Variants in MAGI2 observed in about 807,000 individuals in gnomAD.
MAGI2 encodes the protein membrane-associated guanylate kinase, WW and PDZ domain-containing protein 2.
In MAGI2, 35 loss-of-function variants were observed where a neutral mutation model predicts 133.3. The ratio of observed to expected loss-of-function variants is 0.26; its 90% confidence interval spans 0.20 to 0.35. The LOEUF is 0.35. Ranked by LOEUF, MAGI2 falls within the 10% of genes least tolerant of loss-of-function variation. The pLI, the probability that MAGI2 is intolerant of heterozygous loss-of-function variation, is 1.00. For missense variants in MAGI2, 1,636 were observed against 1,863.4 expected (o/e 0.88, Z 2.25); for synonymous variants, 729 against 710.6 (o/e 1.03, Z -0.41).
At chr7:79,126,373 C>T (rs1820406622) in intron 1 of MAGI2, among the ~76,000 whole-genome samples, 1 of 152,140 alleles carries the variant, frequency 6.6e-6, no homozygotes, top group African/African-American at 2.4e-5. Flanking sequence ...AATGAGTGTG[C>T]ATATAAGATA....
At chr7:78,806,867 CAAAATAAAATAAAAT>C (rs150570172) in intron 2 of MAGI2, among the ~76,000 whole-genome samples, 2,512 of 128,714 alleles carry the variant, frequency 0.02, 59 homozygotes, top group African/African-American at 0.054. Flanking sequence ...CACCCTGTCT[CAAAATAAAATAAAAT>C]AAAATAAAAT....
At chr7:78,979,342 T>A (rs915379602) in intron 2 of MAGI2, among the ~76,000 whole-genome samples, 1 of 150,506 alleles carries the variant, frequency 6.6e-6, no homozygotes, top group African/African-American at 2.4e-5. Flanking sequence ...AAGAAAGAGG[T>A]CAAAAAAGTC....
intron 6 of MAGI2, among the ~76,000 whole-genome samples, chr7:78,420,551 AT>A (rs11404417): frequency 1.3e-4 from 19 of 148,614 alleles, no homozygotes; most frequent in Admixed American, 2.0e-4. Flanking sequence ...TTGAAATGAG[AT>A]TTTTTTTTTT....
chr7:79,066,414 TA>T (rs1814336902), intron 1 of MAGI2, among the ~76,000 whole-genome samples: 1 of 152,046 alleles, frequency 6.6e-6, no homozygotes, highest in Admixed American at 6.6e-5. Context: ...TTGATGGGGT[TA>T]TTTTTTTTTC....
At position 78,664,770 on chromosome 7, in the gene MAGI2, A is replaced by T. The variant is rs540730705; in HGVS notation, c.419-37531T>A. Among the ~76,000 whole-genome samples, 139 of 151,904 alleles carry T rather than the reference A, an allele frequency of 9.2e-4. 4 individuals are homozygous for T. Among genetic ancestry groups the T allele is most frequent in the Admixed American group, 9.1e-3 (139 of 15,238 alleles). On this transcript the variant is annotated intron_variant, in intron 2 of 21. Transcript: ENST00000354212. Reference sequence around the variant, plus strand: ...AATACGTGCCTAAGTAAAAACAAAAAAATAAGAAAAGGGAAGGTATACTGA... The same window carrying T: ...AATACGTGCCTAAGTAAAAACAAAATAATAAGAAAAGGGAAGGTATACTGA...
intron 3 of MAGI2, among the ~76,000 whole-genome samples, chr7:78,562,609 G>C (rs905590305): frequency 6.6e-6 from 1 of 152,044 alleles, no homozygotes; most frequent in Non-Finnish European, 1.5e-5. Flanking sequence ...CAGTGAAACA[G>C]GTAAAAAATC....
intron 12 of MAGI2, among the ~76,000 whole-genome samples, chr7:78,190,251 A>G (rs1275817001): frequency 6.6e-6 from 1 of 152,204 alleles, no homozygotes; most frequent in Non-Finnish European, 1.5e-5. Flanking sequence ...GAGTTTGGCT[A>G]CTAACACAAG....
In MAGI2 at chr7:78,944,399, T is replaced by A. The variant is rs567579382; in HGVS notation, c.418+62691A>T. Among the ~76,000 whole-genome samples the A allele has an allele frequency of 2.0e-5, 3 of 152,250 alleles. No individual in the cohort carries two copies. In the South Asian group the frequency reaches 6.2e-4, roughly 32 times the overall value. On this transcript the variant is annotated intron_variant, in intron 2 of 21. Transcript: ENST00000354212. ...TCCTAATGGTGTGTTAGGATAGACA[T>A]AAGCTCACAGAAGGCAGGCTTCACT... is the stretch of plus-strand genomic sequence containing the variant.
intron 2 of MAGI2, among the ~76,000 whole-genome samples, chr7:78,695,962 G>A (rs1484416847): frequency 6.6e-6 from 1 of 152,014 alleles, no homozygotes; most frequent in African/African-American, 2.4e-5. Context: ...GCATGACAGT[G>A]TTTTGCTCTG....
chr7:78,352,194 G>C (rs1791592398), intron 7 of MAGI2, among the ~76,000 whole-genome samples: 1 of 152,126 alleles, frequency 6.6e-6, no homozygotes, highest in South Asian at 2.1e-4. Context: ...GGTTGATAGG[G>C]GAGGGACAAA....
intron 21 of MAGI2, among the ~76,000 whole-genome samples, chr7:78,064,623 G>A (rs887478155): frequency 8.5e-5 from 13 of 152,124 alleles, no homozygotes; most frequent in African/African-American, 3.1e-4. Flanking sequence ...ATTGAGAAGT[G>A]TGTCAGTTTG....
chr7:78,950,099 C>T (rs1457206362), intron 2 of MAGI2, among the ~76,000 whole-genome samples: 1 of 152,080 alleles, frequency 6.6e-6, no homozygotes, highest in Non-Finnish European at 1.5e-5. Context: ...CCTCTCTTTT[C>T]CTCCCTTCTT....
At chr7:78,770,341 G>T (rs530998313) in intron 2 of MAGI2, among the ~76,000 whole-genome samples, 1 of 152,258 alleles carries the variant, frequency 6.6e-6, no homozygotes, top group South Asian at 2.1e-4. Flanking sequence ...ACACTCTGCT[G>T]GAAGAATACC....
intron 2 of MAGI2, among the ~76,000 whole-genome samples, chr7:78,691,996 G>A (rs563381816): frequency 5.3e-5 from 8 of 152,182 alleles, no homozygotes; most frequent in East Asian, 1.9e-4. Flanking sequence ...TTTTGCATGC[G>A]TCGGGGCAGG....
At chr7:78,332,511 A>C (rs1407938436) in intron 9 of MAGI2, among the ~76,000 whole-genome samples, 1 of 152,014 alleles carries the variant, frequency 6.6e-6, no homozygotes, top group African/African-American at 2.4e-5. Flanking sequence ...ATCCTGGCTA[A>C]AATGGTGAAA....
intron 2 of MAGI2, among the ~76,000 whole-genome samples, chr7:78,927,207 C>A (rs1481930917): frequency 6.6e-6 from 1 of 151,906 alleles, no homozygotes; most frequent in Non-Finnish European, 1.5e-5. Flanking sequence ...AGCTATGTAG[C>A]CTTAGTTGGG....
intron 20 of MAGI2, among the ~76,000 whole-genome samples, chr7:78,083,385 G>GA (rs1816223117): frequency 6.6e-5 from 3 of 45,424 alleles, no homozygotes; most frequent in African/African-American, 1.1e-4. Flanking sequence ...GGAGGGAGGG[G>GA]GGGAGAGAGA....
intron 2 of MAGI2, among the ~76,000 whole-genome samples, chr7:78,921,247 A>C (rs1331412834): frequency 6.6e-6 from 1 of 152,102 alleles, no homozygotes; most frequent in Non-Finnish European, 1.5e-5. Flanking sequence ...AATCACTTTT[A>C]TGTAGTCTGT....
chr7:79,157,460 A>C (rs1823890731), intron 1 of MAGI2, among the ~76,000 whole-genome samples: 1 of 152,012 alleles, frequency 6.6e-6, no homozygotes, highest in South Asian at 2.1e-4. Flanking sequence ...GAGGGTGGAA[A>C]TGACTCAATG....
Sources: gnomAD v4.1 joint callset for allele counts (sites outside exome capture counted in the v4.1 genomes callset) on GRCh38, gnomAD v4.1.1 for gene constraint, MANE v1.5 for transcripts, NCBI Gene and HGNC (gene_info 2026-07-23, HGNC 2026-07-21) for gene names.